The following KCNJ6 variants were observed in gnomAD, a reference collection of about 807,000 sequenced individuals.
KCNJ6 encodes the protein G protein-activated inward rectifier potassium channel 2.
A neutral mutation model predicts 34.2 loss-of-function variants in KCNJ6; 9 were observed. The ratio of observed to expected loss-of-function variants is 0.26; its 90% CI spans 0.16 to 0.46. The LOEUF (loss-of-function observed/expected upper bound fraction) is 0.46, where lower values mean the gene tolerates loss of function less well. KCNJ6 is among the 20% of genes least tolerant of loss of function. The probability of loss-of-function intolerance (pLI) is 1.00; values close to 1 mark genes in which losing one functional copy is unlikely to be tolerated. For synonymous variants in KCNJ6, 196 were observed against 207.1 expected, an observed-to-expected ratio of 0.95 and a Z score of 0.46; for missense variants, 236 against 531.3, an observed-to-expected ratio of 0.44 and a Z score of 5.46.
intron 2 of KCNJ6, among the ~76,000 whole-genome samples, chr21:37,731,562 A>G (rs1253746543): frequency 6.6e-6 from 1 of 152,276 alleles, no homozygotes; most frequent in Admixed American, 6.5e-5. Context: ...AGCATCATTG[A>G]TCTGAGAGAG....
intron 1 of KCNJ6, among the ~76,000 whole-genome samples, chr21:37,845,391 GC>G (rs2055501725): frequency 6.6e-6 from 1 of 152,146 alleles, no homozygotes. Context: ...AGAGAGAGTG[GC>G]GGGGAGAGAG....
intron 2 of KCNJ6, among the ~76,000 whole-genome samples, chr21:37,781,266 G>A (rs977135781): frequency 1.3e-5 from 2 of 152,226 alleles, no homozygotes; most frequent in Non-Finnish European, 2.9e-5. Context: ...CAGAGCATAT[G>A]AGCTGCCTCG....
chr21:37,689,800 G>A (rs1303829651), intron 3 of KCNJ6, among the ~76,000 whole-genome samples: 1 of 151,968 alleles, frequency 6.6e-6, no homozygotes. Context: ...TGCAAGGGAC[G>A]TGGTGGGCTG....
chr21:37,766,104 C>T (rs2055089726), intron 2 of KCNJ6, among the ~76,000 whole-genome samples: 1 of 152,158 alleles, frequency 6.6e-6, no homozygotes, highest in African/African-American at 2.4e-5. Flanking sequence ...AATGTAACAC[C>T]CTCATTCTGC....
chr21:37,837,008 T>C (rs1273214169), intron 2 of KCNJ6, among the ~76,000 whole-genome samples: 1 of 152,118 alleles, frequency 6.6e-6, no homozygotes, highest in Non-Finnish European at 1.5e-5. Flanking sequence ...TTGTTAAATC[T>C]CTCCCTACCT....
rs1020629733 is a variant in KCNJ6, at chr21:37,695,643, T to C, written c.946+18568A>G. On this transcript the variant is annotated intron_variant, in intron 3 of 3. Coordinates refer to ENST00000609713, the MANE Select transcript of KCNJ6 (RefSeq NM_002240.5). This position sits in a 1 kb window ranked among gnomAD's most constrained non-coding sequence, Gnocchi z 4.2. ...TGACAGTTTCTGGAAGGCAGTGTTT[T>C]TGAGCTATGAGTTTAGTTCAGATAC... Among the ~76,000 whole-genome samples the C allele has an allele frequency of 6.6e-6, 1 of 152,190 alleles. No homozygotes were observed. Among genetic ancestry groups the C allele is most frequent in the Non-Finnish European group, 1.5e-5 (1 of 68,020 alleles).
intron 2 of KCNJ6, among the ~76,000 whole-genome samples, chr21:37,789,097 T>C (rs1263472267): frequency 6.6e-6 from 1 of 152,214 alleles, no homozygotes; most frequent in Non-Finnish European, 1.5e-5. Context: ...TCATGGAATG[T>C]AAGTGGAAGT....
intron 3 of KCNJ6, among the ~76,000 whole-genome samples, chr21:37,671,141 C>A (rs2054539388): frequency 6.6e-6 from 1 of 152,294 alleles, no homozygotes; most frequent in Non-Finnish European, 1.5e-5. Context: ...CTCTAGATAG[C>A]TTCCGGGTGG....
At chr21:37,860,242 A>G (rs2055587783) in intron 1 of KCNJ6, among the ~76,000 whole-genome samples, 1 of 152,108 alleles carries the variant, frequency 6.6e-6, no homozygotes, top group Non-Finnish European at 1.5e-5. Context: ...TTGTTCTCCA[A>G]TTACCTTATC....
intron 2 of KCNJ6, among the ~76,000 whole-genome samples, chr21:37,795,344 C>T (rs1382441265): frequency 6.6e-6 from 1 of 152,132 alleles, no homozygotes; most frequent in Non-Finnish European, 1.5e-5. Context: ...GCAGGAGGTG[C>T]TGGGGTGAGG....
rs117037663 is a variant in KCNJ6 at position 37,809,798 on chromosome 21, C to T, written c.25+30860G>A. On this transcript the variant is annotated intron_variant, in intron 2 of 3. Transcript: ENST00000609713. ...GCTTCTGGGCCTGATTCATTTGTAG[C>T]CTTCCTTGCGATACTGCATAGTCTT... is the stretch of plus-strand genomic sequence containing the variant. 8.2e-3 allele frequency among the ~76,000 whole-genome samples: 1,253 copies of T among 152,216 alleles called. 14 individuals are homozygous for T. The highest frequency in any genetic ancestry group is 0.013 in the Non-Finnish European group (891 of 68,018).
intron 3 of KCNJ6, among the ~76,000 whole-genome samples, chr21:37,670,845 A>C (rs1450675569): frequency 6.6e-6 from 1 of 152,130 alleles, no homozygotes; most frequent in East Asian, 1.9e-4. Context: ...ATTTATTTAG[A>C]TATTCTTTCA....
intron 2 of KCNJ6, among the ~76,000 whole-genome samples, chr21:37,802,904 C>G (rs887421769): frequency 2.6e-5 from 4 of 152,220 alleles, no homozygotes; most frequent in Admixed American, 2.6e-4. Context: ...GATAGCACTG[C>G]AGGTATAAAT....
In KCNJ6 at chr21:37,607,620, AC is replaced by A. The variant is rs1347099549; in HGVS notation, c.*17538del. 2 of 151,954 alleles carry A rather than the reference AC, an allele frequency of 1.3e-5. No homozygotes were observed. Among genetic ancestry groups the A allele is most frequent in the East Asian group, 1.9e-4 (1 of 5,188 alleles). 9.4% of individuals were successfully genotyped at this position (151,954 alleles called of 1,614,324 possible). A position where few individuals can be genotyped will look rare whatever the true frequency, so the allele number is the denominator to read the frequency against. ...GTTGAGTAAAGGGAGTTACAAAAGG[AC>A]CAAAAAATGGGACAGGAGCCAAACC... On this transcript the variant is annotated 3_prime_UTR_variant, in exon 4 of 4. Coordinates refer to ENST00000609713, the MANE Select transcript of KCNJ6 (RefSeq NM_002240.5).
chr21:37,907,057 C>A (rs536579437), intron 1 of KCNJ6, among the ~76,000 whole-genome samples: 25 of 152,276 alleles, frequency 1.6e-4, no homozygotes, highest in African/African-American at 3.8e-4. Flanking sequence ...GTCTAAAAAT[C>A]TGAAGTGTGC....
chr21:37,762,700 G>A (rs903059727), intron 2 of KCNJ6, among the ~76,000 whole-genome samples: 7 of 152,250 alleles, frequency 4.6e-5, no homozygotes, highest in Admixed American at 1.3e-4. Flanking sequence ...TGGGCCATTC[G>A]GTGACCTGTG....
At chr21:37,653,166 ACAG>A (rs2054441661) in intron 3 of KCNJ6, among the ~76,000 whole-genome samples, 2 of 152,222 alleles carry the variant, frequency 1.3e-5, no homozygotes, top group African/African-American at 4.8e-5. Flanking sequence ...AACAACAACA[ACAG>A]CAACACAAAA....
rs1449462332 is a variant in KCNJ6 at position 37,615,241 on chromosome 21, ATTCT to A, written c.*9914_*9917del. On this transcript the variant is annotated 3_prime_UTR_variant, in exon 4 of 4. Transcript: ENST00000609713. ...CAGACCCTCGACTGACATTCCCAGC[ATTCT>A]TTTTTTTTTTTTTTTTTTTTTTTTT... 3,664 of 111,666 alleles carry A rather than the reference ATTCT, an allele frequency of 0.033. 265 individuals carry two copies. Among genetic ancestry groups the A allele is most frequent in the African/African-American group, 0.082 (2,143 of 26,168 alleles). The allele number at this position is 111,666 out of a possible 1,614,324, so 6.9% of individuals were successfully genotyped here. A position where few individuals can be genotyped will look rare whatever the true frequency, so the allele number is the denominator to read the frequency against.
chr21:37,776,033 G>A (rs1252189047), intron 2 of KCNJ6, among the ~76,000 whole-genome samples: 4 of 152,148 alleles, frequency 2.6e-5, no homozygotes, highest in African/African-American at 7.2e-5. Context: ...TCATTGAGCA[G>A]TGGTTTGTAG....
Sources: gnomAD v4.1 joint callset for allele counts (sites outside exome capture counted in the v4.1 genomes callset) on GRCh38, gnomAD v4.1.1 for gene constraint, Gnocchi (gnomAD v3.1) non-coding constraint, MANE v1.5 for transcripts, NCBI Gene and HGNC (gene_info 2026-07-23, HGNC 2026-07-21) for gene names.